NRCAM: variants seen among roughly 807,000 people sequenced by gnomAD.
NRCAM encodes neuronal cell adhesion molecule.
A neutral mutation model predicts 156.5 loss-of-function variants in NRCAM; 83 were observed. The ratio of observed to expected loss-of-function variants is 0.53; its 90% CI spans 0.44 to 0.64. The LOEUF is 0.64. Ranked by LOEUF, NRCAM falls within the 30% of genes least tolerant of loss-of-function variation. The pLI, the probability that NRCAM is intolerant of heterozygous loss-of-function variation, is 0.00. For synonymous variants in NRCAM, 538 were observed against 563.9 expected, an observed-to-expected ratio of 0.95 and a Z score of 0.65; for missense variants, 1,417 against 1,597.3, an observed-to-expected ratio of 0.89 and a Z score of 1.92.
intron 1 of NRCAM, among the ~76,000 whole-genome samples, chr7:108,435,896 G>T (rs950105940): frequency 6.6e-6 from 1 of 152,246 alleles, no homozygotes; most frequent in Admixed American, 6.5e-5. Flanking sequence ...ACTTTGGGAG[G>T]CCGAGGCGGG....
chr7:108,405,688 A>G (rs1203135264), intron 1 of NRCAM, among the ~76,000 whole-genome samples: 2 of 152,150 alleles, frequency 1.3e-5, no homozygotes, highest in Non-Finnish European at 2.9e-5. Flanking sequence ...ACTAGATGAC[A>G]TTACGTTTTA....
intron 13 of NRCAM, 96 bp from the exon 14 acceptor site, chr7:108,198,195 C>G: frequency 1.2e-6 from 1 of 850,830 alleles, no homozygotes; most frequent in South Asian, 2.0e-5. Flanking sequence ...AAAGACTGCT[C>G]TAAGTACATG....
intron 1 of NRCAM, among the ~76,000 whole-genome samples, chr7:108,399,988 G>A (rs1029637216): frequency 7.9e-5 from 12 of 152,172 alleles, no homozygotes; most frequent in Admixed American, 6.5e-4. Flanking sequence ...CCGTGGCGGG[G>A]AAGAATCTAA....
chr7:108,255,978 G>A (rs1265737485), intron 3 of NRCAM, among the ~76,000 whole-genome samples: 139 of 143,868 alleles, frequency 9.7e-4, no homozygotes, highest in African/African-American at 3.3e-3. Flanking sequence ...GCCCCCGCCC[G>A]GCCAGCTGCC....
intron 1 of NRCAM, among the ~76,000 whole-genome samples, chr7:108,402,158 G>T (rs75571699): frequency 0.027 from 4,079 of 152,218 alleles, 83 homozygotes; most frequent in African/African-American, 0.059. Context: ...TGAAATCTCT[G>T]GAACATCATT....
intron 13 of NRCAM, among the ~76,000 whole-genome samples, chr7:108,206,229 T>C (rs2081070660): frequency 6.6e-6 from 1 of 152,206 alleles, no homozygotes; most frequent in Non-Finnish European, 1.5e-5. Context: ...CAGACCTTGA[T>C]GGTAAGAAAC....
chr7:108,232,234 T>C (rs2094428251), intron 7 of NRCAM, 92 bp downstream of exon 7: 1 of 930,350 alleles, frequency 1.1e-6, no homozygotes. Context: ...ATGCCACTGC[T>C]TTGTTGAATA....
intron 32 of NRCAM, among the ~76,000 whole-genome samples, chr7:108,152,244 A>G (rs1477350460): frequency 6.6e-6 from 1 of 152,146 alleles, no homozygotes. Context: ...GATGTCCAGG[A>G]AGACCTCATC....
chr7:108,322,154 G>T (rs1468474076), intron 2 of NRCAM, among the ~76,000 whole-genome samples: 3 of 151,586 alleles, frequency 2.0e-5, no homozygotes, highest in African/African-American at 4.9e-5. Context: ...TAGACATTTC[G>T]TTTTTTTTCA....
chr7:108,302,618 G>A (rs1210011984), intron 3 of NRCAM, among the ~76,000 whole-genome samples: 2 of 152,116 alleles, frequency 1.3e-5, no homozygotes, highest in Non-Finnish European at 2.9e-5. Flanking sequence ...CTCCTCAAGG[G>A]GCAACCTGCT....
At chr7:108,373,186 G>T (rs905079984) in intron 2 of NRCAM, among the ~76,000 whole-genome samples, 2 of 152,144 alleles carry the variant, frequency 1.3e-5, no homozygotes, top group African/African-American at 4.8e-5. Context: ...GATTGCCAAG[G>T]GGTGGAAGTA....
chr7:108,367,412 T>G (rs1236350331), intron 2 of NRCAM, among the ~76,000 whole-genome samples: 2 of 152,104 alleles, frequency 1.3e-5, no homozygotes, highest in Non-Finnish European at 2.9e-5. Flanking sequence ...GACATCTGAG[T>G]TTTTAAGACT....
At chr7:108,400,729 C>G (rs6959409) in intron 1 of NRCAM, among the ~76,000 whole-genome samples, 37,327 of 151,922 alleles carry the variant, frequency 0.25, 4,856 homozygotes, top group Non-Finnish European at 0.28. Context: ...GAGGCGGGAA[C>G]TCAGAGTCAA....
At chr7:108,294,654 G>A (rs571490782) in intron 3 of NRCAM, among the ~76,000 whole-genome samples, 1 of 152,326 alleles carries the variant, frequency 6.6e-6, no homozygotes, top group South Asian at 2.1e-4. Context: ...GCAATGGGAA[G>A]GAAAATGGGC....
intron 3 of NRCAM, among the ~76,000 whole-genome samples, chr7:108,297,279 G>A (rs1382758138): frequency 6.6e-6 from 1 of 152,196 alleles, no homozygotes; most frequent in Non-Finnish European, 1.5e-5. Context: ...TCCAAAAAAT[G>A]AGAGGAACAT....
At chr7:108,397,250 T>C (rs1185553320) in intron 2 of NRCAM, among the ~76,000 whole-genome samples, 4 of 152,216 alleles carry the variant, frequency 2.6e-5, no homozygotes, top group African/African-American at 9.6e-5. Flanking sequence ...TTCGTGGACC[T>C]TTAAAGTTCC....
chr7:108,292,164 G>C (rs1277277623), intron 3 of NRCAM, among the ~76,000 whole-genome samples: 11 of 152,200 alleles, frequency 7.2e-5, no homozygotes. Context: ...ATTTAAAAGT[G>C]CTATGTGGCT....
intron 27 of NRCAM, 23 bp downstream of exon 27, chr7:108,176,407 G>A: frequency 6.3e-7 from 1 of 1,594,894 alleles, no homozygotes. Flanking sequence ...TAATTATATG[G>A]ATTTTATACA....
At chr7:108,277,255 G>A (rs904697181) in intron 3 of NRCAM, among the ~76,000 whole-genome samples, 3 of 152,108 alleles carry the variant, frequency 2.0e-5, no homozygotes, top group Non-Finnish European at 4.4e-5. Context: ...GGTGTTCTCT[G>A]TATTTCCTGA....
Sources: allele counts gnomAD v4.1 joint callset (sites outside exome capture counted in the v4.1 genomes callset), GRCh38; gene constraint gnomAD v4.1.1; transcripts MANE v1.5; gene names NCBI Gene and HGNC (gene_info 2026-07-23, HGNC 2026-07-21).